ABCC11: variants seen among roughly 807,000 people sequenced by gnomAD.
ABCC11 encodes ATP binding cassette subfamily C member 11, also known as ATP-binding cassette sub-family C member 11.
In ABCC11, 135 loss-of-function variants were observed where a neutral mutation model predicts 149.3. The observed-to-expected ratio is 0.90, with a 90% confidence interval of 0.79 to 1.04. ABCC11 has a LOEUF of 1.04. Ranked by LOEUF, ABCC11 falls within the 50% of genes least tolerant of loss-of-function variation. The pLI, the probability that ABCC11 is intolerant of heterozygous loss-of-function variation, is 0.00. For missense variants in ABCC11, 1,680 were observed against 1,722.1 expected (o/e 0.98, Z 0.43); for synonymous variants, 665 against 671.4 (o/e 0.99, Z 0.15).
chr16:48,224,806 T>C (rs1969964044), intron 4 of ABCC11, among the ~76,000 whole-genome samples: 1 of 152,182 alleles, frequency 6.6e-6, no homozygotes, highest in African/African-American at 2.4e-5. Context: ...GTGGATCACT[T>C]GAGGTCAGGG....
rs150094014 is a variant in ABCC11 at position 48,187,271 on chromosome 16, C to A, written c.2863G>T (p.Val955Phe). The A allele has an allele frequency of 2.4e-5, 39 of 1,614,002 alleles. No homozygotes were observed. The African/African-American group carries it at 4.7e-4, about 19-fold the overall frequency. ...SLMVIAVLLIVSVLSPYILLM... is the reference protein window; with the variant it reads ...SLMVIAVLLIFSVLSPYILLM... Reference sequence around the variant, plus strand: ...AGGATATATGGAGACAGCACACTGACAATCAACAGGACGGCGATCACCATT... The same window carrying A: ...AGGATATATGGAGACAGCACACTGAAAATCAACAGGACGGCGATCACCATT... Residue 955 changes from valine (V) to phenylalanine (F), a missense_variant, in exon 21 of 30, where the codon GTC (valine) becomes TTC (phenylalanine). By Grantham distance (50) the Val-to-Phe change is conservative. Coordinates refer to ENST00000356608, the MANE Select transcript of ABCC11 (RefSeq NM_001370497.1).
chr16:48,219,758 G>T (rs1969607812), intron 6 of ABCC11, among the ~76,000 whole-genome samples: 1 of 152,096 alleles, frequency 6.6e-6, no homozygotes, highest in Non-Finnish European at 1.5e-5. Context: ...AAGTAGGCAG[G>T]TCACCTAAGG....
rs779328797 is a variant in ABCC11, at chr16:48,198,128, G to A, written c.2217+13C>T. The A allele has an allele frequency of 1.9e-6, 3 of 1,614,174 alleles. No individual in the cohort carries two copies. Among genetic ancestry groups the A allele is most frequent in the South Asian group, 1.1e-5 (1 of 91,080 alleles). On this transcript the variant is annotated intron_variant, in intron 16 of 29. Coordinates refer to ENST00000356608, the MANE Select transcript of ABCC11 (RefSeq NM_001370497.1). ...TCCACCGTGGGTAGTGAGGGCAGTGGGGCAGGACTCACCGAAGTGGCTTCC... is the reference window on the plus strand; with the variant it reads ...TCCACCGTGGGTAGTGAGGGCAGTGAGGCAGGACTCACCGAAGTGGCTTCC...
In ABCC11 at chr16:48,184,427, G is replaced by C; in HGVS notation, c.3258+13C>G. The C allele has an allele frequency of 6.2e-7, 1 of 1,611,998 alleles. No individual in the cohort carries two copies. Among genetic ancestry groups the C allele is most frequent in the Non-Finnish European group, 8.5e-7 (1 of 1,178,866 alleles). On this transcript the variant is annotated intron_variant, in intron 23 of 29. Coordinates refer to ENST00000356608, the MANE Select transcript of ABCC11 (RefSeq NM_001370497.1). ...AAAGCTCAGAGAGGGCCCACACAGA[G>C]TCACCCCCTCACCTGCAGCACGATG...
chr16:48,215,145 C>T (rs767819650), intron 8 of ABCC11, 52 bp downstream of exon 8: 2 of 1,594,228 alleles, frequency 1.3e-6, no homozygotes, highest in Non-Finnish European at 1.7e-6. Context: ...GAGAGGGGCT[C>T]GGCTTACCAT....
At position 48,215,320 on chromosome 16, in the gene ABCC11, T is replaced by G; in HGVS notation, c.976A>C (p.Lys326Gln). 1 of 1,613,888 alleles carries G rather than the reference T, an allele frequency of 6.2e-7. No individual in the cohort carries two copies. Among genetic ancestry groups the G allele is most frequent in the South Asian group, 1.1e-5 (1 of 91,080 alleles). The change falls in exon 8 of 30, where the codon AAG (lysine) becomes CAG (glutamine). Residue 326 changes from lysine to glutamine, a missense_variant. Transcript: ENST00000356608. ...LAVFMTRMAV[K>Q]AQHHTSEVSD... ...ACCTCAGATGTGTGATGCTGAGCCT[T>G]CACAGCCATTCTTGTCATGAATACC...
At chr16:48,216,378 G>A in intron 6 of ABCC11, 91 bp from the exon 7 acceptor site, 1 of 1,310,956 alleles carries the variant, frequency 7.6e-7, no homozygotes, top group Non-Finnish European at 1.1e-6. Flanking sequence ...TCTCCTAGCA[G>A]GAAGGCTTGA....
chr16:48,178,189 G>A (rs1966206325), intron 24 of ABCC11, among the ~76,000 whole-genome samples: 1 of 152,176 alleles, frequency 6.6e-6, no homozygotes, highest in South Asian at 2.1e-4. Context: ...AGTTGCCCAG[G>A]TTATTCCAAT....
intron 26 of ABCC11, among the ~76,000 whole-genome samples, chr16:48,172,480 T>C (rs1035018021): frequency 1.3e-5 from 2 of 151,090 alleles, no homozygotes; most frequent in East Asian, 2.0e-4. Flanking sequence ...GAGGCTGGAG[T>C]GCAGTGGTGC....
intron 1 of ABCC11, chr16:48,244,626 G>GC (rs1971240703): frequency 7.3e-7 from 1 of 1,367,382 alleles, no homozygotes; most frequent in Middle Eastern, 2.6e-4. Flanking sequence ...GCACAGGTAG[G>GC]CCTGGCTGCC....
chr16:48,228,206 T>G (rs1970203753), intron 3 of ABCC11, among the ~76,000 whole-genome samples: 1 of 151,744 alleles, frequency 6.6e-6, no homozygotes, highest in East Asian at 1.9e-4. Flanking sequence ...AATGTAGATG[T>G]TTGGGGTTTT....
chr16:48,166,948 A>C lies in ABCC11; in HGVS notation c.*326T>G, dbSNP rs537352491. On this transcript the variant is annotated 3_prime_UTR_variant, in exon 30 of 30. Coordinates refer to ENST00000356608, the MANE Select transcript of ABCC11 (RefSeq NM_001370497.1). ...GTTTTATATTTTACAAAGTCAGTAC[A>C]GCATTTGCAACACTTCTAACACAGA... The C allele has an allele frequency of 8.1e-6, 2 of 247,294 alleles. No homozygotes were observed. The highest frequency in any genetic ancestry group is 9.3e-5 in the East Asian group (1 of 10,810). 15.3% of individuals were successfully genotyped at this position (247,294 alleles called of 1,614,324 possible). A position where few individuals can be genotyped will look rare whatever the true frequency, so the allele number is the denominator to read the frequency against.
intron 28 of ABCC11, among the ~76,000 whole-genome samples, chr16:48,167,918 AT>A (rs921016630): frequency 2.8e-4 from 43 of 152,330 alleles, no homozygotes; most frequent in African/African-American, 1.0e-3. Flanking sequence ...GGAAATGAAA[AT>A]GGCCTAGTGG....
chr16:48,247,144 G>C (rs1971435929), intron 1 of ABCC11, among the ~76,000 whole-genome samples, 170 bp downstream of exon 1: 1 of 152,192 alleles, frequency 6.6e-6, no homozygotes, highest in Non-Finnish European at 1.5e-5. Context: ...TATGTGGAAA[G>C]ATTGTACCAT....
chr16:48,181,705 A>G (rs1004023008), intron 23 of ABCC11, among the ~76,000 whole-genome samples: 2 of 151,686 alleles, frequency 1.3e-5, no homozygotes, highest in Non-Finnish European at 2.9e-5. Flanking sequence ...CTGCCTCCCA[A>G]GTTCACGCCA....
At chr16:48,193,279 T>C (rs1967086729) in intron 19 of ABCC11, among the ~76,000 whole-genome samples, 1 of 152,186 alleles carries the variant, frequency 6.6e-6, no homozygotes, top group South Asian at 2.1e-4. Context: ...GCTTCTGCTC[T>C]CCTGACCCAA....
intron 10 of ABCC11, among the ~76,000 whole-genome samples, chr16:48,211,658 C>T (rs1176978525): frequency 2.0e-5 from 3 of 151,644 alleles, no homozygotes; most frequent in Non-Finnish European, 4.4e-5. Flanking sequence ...AGCCTGGGGA[C>T]CATAGTGAGA....
At chr16:48,192,740 T>C (rs1340453028) in intron 19 of ABCC11, 23 bp from the exon 20 acceptor site, 13 of 1,610,332 alleles carry the variant, frequency 8.1e-6, no homozygotes, top group African/African-American at 1.3e-5. Context: ...ACAGGGGGTC[T>C]GACTGCAGGT....
chr16:48,171,723 G>A (rs1182522113), intron 26 of ABCC11, among the ~76,000 whole-genome samples: 1 of 152,150 alleles, frequency 6.6e-6, no homozygotes, highest in Non-Finnish European at 1.5e-5. Context: ...CAGCACTTTG[G>A]GAGGCTGAGG....
Sources: allele counts gnomAD v4.1 joint callset (sites outside exome capture counted in the v4.1 genomes callset), GRCh38; gene constraint gnomAD v4.1.1; transcripts MANE v1.5; gene names NCBI Gene and HGNC (gene_info 2026-07-23, HGNC 2026-07-21).